Variants in RNGTT observed in about 807,000 individuals in gnomAD.
RNGTT encodes the protein RNA guanylyltransferase and 5'-phosphatase.
In RNGTT, 33 loss-of-function variants were observed where a neutral mutation model predicts 79.3. That is an observed-to-expected ratio of 0.42 (90% CI 0.32 to 0.56). The LOEUF (loss-of-function observed/expected upper bound fraction) is 0.56, where lower values mean the gene tolerates loss of function less well. RNGTT is among the 20% of genes least tolerant of loss of function. RNGTT has a pLI of 0.17. For synonymous variants in RNGTT, 222 were observed against 235.9 expected (o/e 0.94, Z 0.54); for missense variants, 497 against 739.1 (o/e 0.67, Z 3.80).
At chr6:88,938,495 A>G (rs940942040) in intron 2 of RNGTT, among the ~76,000 whole-genome samples, 1 of 152,186 alleles carries the variant, frequency 6.6e-6, no homozygotes, top group Admixed American at 6.5e-5. Flanking sequence ...GCCAGTTTAC[A>G]TCTTTTAAAT....
chr6:88,923,902 C>A (rs1447882909), intron 4 of RNGTT, among the ~76,000 whole-genome samples: 1 of 152,190 alleles, frequency 6.6e-6, no homozygotes, highest in Non-Finnish European at 1.5e-5. Flanking sequence ...CAAGGCATTT[C>A]CAACAAACAG....
At chr6:88,687,748 T>G (rs1775330949) in intron 13 of RNGTT, among the ~76,000 whole-genome samples, 1 of 152,198 alleles carries the variant, frequency 6.6e-6, no homozygotes, top group Non-Finnish European at 1.5e-5. Flanking sequence ...TCTGTTTCTT[T>G]GTACAAAGGA....
rs553925790 is a variant in RNGTT at position 88,701,317 on chromosome 6, T to C, written c.1440-22898A>G. Among the ~76,000 whole-genome samples, 49 of 152,184 alleles carry C rather than the reference T, an allele frequency of 3.2e-4. No homozygotes were observed. The South Asian group carries it at 1.0e-2, about 31-fold the overall frequency. Reference sequence around the variant, plus strand: ...TCCAGGATCATCTAACTCTTTTTCTTTGATCACATTTTCACAAAGCCAACT... The same window carrying C: ...TCCAGGATCATCTAACTCTTTTTCTCTGATCACATTTTCACAAAGCCAACT... On this transcript the variant is annotated intron_variant, in intron 13 of 15. Coordinates refer to ENST00000369485, the MANE Select transcript of RNGTT (RefSeq NM_003800.5).
intron 8 of RNGTT, among the ~76,000 whole-genome samples, chr6:88,883,218 G>A (rs1205814988): frequency 6.6e-6 from 1 of 150,710 alleles, no homozygotes; most frequent in Non-Finnish European, 1.5e-5. Flanking sequence ...TGGGAAGTAG[G>A]TGCACAGCAT....
chr6:88,919,707 C>CTTTTTTTTTT (rs5878082), intron 4 of RNGTT, among the ~76,000 whole-genome samples: 26 of 58,482 alleles, frequency 4.4e-4, no homozygotes, highest in African/African-American at 8.2e-4. Flanking sequence ...GTCAGTAGTT[C>CTTTTTTTTTT]TTTTTTTTTT....
At chr6:88,860,222 G>A (rs1282045376) in intron 8 of RNGTT, among the ~76,000 whole-genome samples, 1 of 152,228 alleles carries the variant, frequency 6.6e-6, no homozygotes, top group Non-Finnish European at 1.5e-5. Context: ...TACTGGATAT[G>A]TGACTGAGAA....
intron 14 of RNGTT, among the ~76,000 whole-genome samples, chr6:88,677,745 G>A (rs1774929310): frequency 1.3e-5 from 2 of 152,008 alleles, no homozygotes; most frequent in Admixed American, 6.6e-5. Flanking sequence ...AAAAAGCACT[G>A]GTAGTGCAGG....
At chr6:88,806,464 G>A (rs548683794) in intron 11 of RNGTT, among the ~76,000 whole-genome samples, 4 of 151,538 alleles carry the variant, frequency 2.6e-5, no homozygotes, top group African/African-American at 4.9e-5. Context: ...TTACAGGCGC[G>A]CACCACCACA....
At position 88,781,713 on chromosome 6, in the gene RNGTT, G is replaced by A. The variant is rs966212988; in HGVS notation, c.1339-11839C>T. Among the ~76,000 whole-genome samples the A allele has an allele frequency of 8.6e-5, 13 of 152,040 alleles. 1 individual carries two copies. Among genetic ancestry groups the A allele is most frequent in the African/African-American group, 3.1e-4 (13 of 41,338 alleles). On this transcript the variant is annotated intron_variant, in intron 12 of 15. Coordinates refer to ENST00000369485, the MANE Select transcript of RNGTT (RefSeq NM_003800.5). The stretch of plus-strand genomic sequence containing the variant: ...CTTATTCATTAGTACCCTAAAGGCA[G>A]CCTAAAGTTTTAAATCTAAAACTGA...
intron 8 of RNGTT, among the ~76,000 whole-genome samples, chr6:88,872,005 C>T (rs183555932): frequency 6.6e-6 from 1 of 152,082 alleles, no homozygotes; most frequent in East Asian, 1.9e-4. Context: ...GAAGCCTATT[C>T]TCCACCTTCC....
At chr6:88,773,380 T>G (rs1299889152) in intron 12 of RNGTT, among the ~76,000 whole-genome samples, 1 of 144,560 alleles carries the variant, frequency 6.9e-6, no homozygotes, top group African/African-American at 2.5e-5. Context: ...AGATGACGAG[T>G]TAGTGGGTGC....
intron 1 of RNGTT, among the ~76,000 whole-genome samples, chr6:88,946,976 C>T (rs1199372369): frequency 1.7e-3 from 138 of 80,170 alleles, no homozygotes; most frequent in African/African-American, 5.7e-3. Flanking sequence ...AGTGCAGTGG[C>T]GTGATCTCGG....
rs571210922 is a variant in RNGTT, at chr6:88,793,520, A to G, written c.1338+8044T>C. Among the ~76,000 whole-genome samples the G allele has an allele frequency of 2.0e-5, 3 of 152,352 alleles. No homozygotes were observed. The East Asian group carries it at 5.8e-4, about 29-fold the overall frequency. On this transcript the variant is annotated intron_variant, in intron 12 of 15. Transcript: ENST00000369485. ...TCAGAGACATTCCATATATTTTATA[A>G]TCTTAACAACTTAGGAGATAAAAGA...
chr6:88,833,187 A>C (rs1780935824), intron 11 of RNGTT, among the ~76,000 whole-genome samples: 1 of 152,200 alleles, frequency 6.6e-6, no homozygotes, highest in Non-Finnish European at 1.5e-5. Context: ...ATGCCCATCA[A>C]CGATAGACTG....
At chr6:88,696,022 T>C (rs1775650179) in intron 13 of RNGTT, among the ~76,000 whole-genome samples, 1 of 152,136 alleles carries the variant, frequency 6.6e-6, no homozygotes, top group Non-Finnish European at 1.5e-5. Context: ...CAGGGAGATG[T>C]TGATCAAAGC....
intron 14 of RNGTT, among the ~76,000 whole-genome samples, chr6:88,670,912 G>A (rs188508651): frequency 5.3e-5 from 8 of 152,082 alleles, no homozygotes; most frequent in African/African-American, 1.4e-4. Flanking sequence ...TCATAGAACC[G>A]GTGTCTAAGA....
chr6:88,804,645 A>G (rs1343551052), intron 11 of RNGTT, among the ~76,000 whole-genome samples: 1 of 152,210 alleles, frequency 6.6e-6, no homozygotes, highest in Admixed American at 6.5e-5. Context: ...ACTGATTTAT[A>G]TATTCATATG....
intron 13 of RNGTT, among the ~76,000 whole-genome samples, chr6:88,687,725 A>AT (rs36063561): frequency 0.26 from 40,289 of 152,088 alleles, 9,308 homozygotes; most frequent in African/African-American, 0.63. Flanking sequence ...AAAAAGTACA[A>AT]AACATTCATG....
At chr6:88,789,296 T>G (rs923496551) in intron 12 of RNGTT, among the ~76,000 whole-genome samples, 2 of 152,140 alleles carry the variant, frequency 1.3e-5, no homozygotes, top group African/African-American at 4.8e-5. Context: ...TTAATTACAC[T>G]CACGCCTGTA....
Sources: gnomAD v4.1 joint callset for allele counts (sites outside exome capture counted in the v4.1 genomes callset) on GRCh38, gnomAD v4.1.1 for gene constraint, MANE v1.5 for transcripts, NCBI Gene and HGNC (gene_info 2026-07-23, HGNC 2026-07-21) for gene names.